The following USP40 variants were observed in gnomAD, a reference collection of about 807,000 sequenced individuals.
USP40 encodes the protein ubiquitin carboxyl-terminal hydrolase 40.
Under a neutral mutation model 166.2 loss-of-function variants are expected in USP40, and 143 were observed. The observed-to-expected ratio is 0.86, with a 90% confidence interval of 0.75 to 0.99. The LOEUF (loss-of-function observed/expected upper bound fraction) is 0.99. Ranked by LOEUF, USP40 falls within the 50% of genes least tolerant of loss-of-function variation. The probability of loss-of-function intolerance (pLI) is 0.00; values close to 1 mark genes in which losing one functional copy is unlikely to be tolerated. For synonymous variants in USP40, 498 were observed against 524.0 expected, an observed-to-expected ratio of 0.95 and a Z score of 0.68; for missense variants, 1,444 against 1,479.7, an observed-to-expected ratio of 0.98 and a Z score of 0.40.
Position 233,485,569 on chromosome 2 carries a change from G to C in USP40, c.3466C>G (p.Pro1156Ala), listed in dbSNP as rs1349281545. Residue 1156 changes from proline to alanine, a missense_variant, in exon 30 of 32, where the codon CCG becomes GCG. Transcript: ENST00000678225. ...KKKQDYLQGAPYYLKDGDTIG... is the reference protein window; with the variant it reads ...KKKQDYLQGAAYYLKDGDTIG... ...GTATCTCCGTCTTTCAAGTAATACG[G>C]TGCCCCTTGCAAATAATCTTGTTTT... The C allele has an allele frequency of 6.2e-7, 1 of 1,613,880 alleles. No individual in the cohort carries two copies. Among genetic ancestry groups the C allele is most frequent in the East Asian group, 2.2e-5 (1 of 44,886 alleles).
chr2:233,529,493 A>C lies in USP40; in HGVS notation c.1491T>G (p.Tyr497Ter). ...RPPEARANPR[Y>*]GVPCHLLNEM... Reference sequence around the variant, plus strand: ...CATTCAGTAAATGACATGGAACCCCATATCTTGGATTAGCTCGAGCTGTGA... The same window carrying C: ...CATTCAGTAAATGACATGGAACCCCCTATCTTGGATTAGCTCGAGCTGTGA... Residue 497 changes from tyrosine to a stop codon, truncating the protein, a stop_gained, in exon 12 of 32, where the codon TAT becomes TAG. Transcript: ENST00000678225. LOFTEE classifies it high-confidence loss of function. 2 of 1,584,920 alleles carry C rather than the reference A, an allele frequency of 1.3e-6. No individual in the cohort carries two copies. The highest frequency in any genetic ancestry group is 8.6e-7 in the Non-Finnish European group (1 of 1,163,846).
At chr2:233,530,279 C>G (rs929555733) in intron 11 of USP40, among the ~76,000 whole-genome samples, 4 of 151,458 alleles carry the variant, frequency 2.6e-5, no homozygotes, top group African/African-American at 9.7e-5. Flanking sequence ...TAATATTCAA[C>G]AAATCTATTT....
In USP40 at chr2:233,524,481, A is replaced by C; in HGVS notation, c.1881+11T>G. The C allele has an allele frequency of 6.3e-7, 1 of 1,591,574 alleles. No individual in the cohort carries two copies. The highest frequency in any genetic ancestry group is 8.6e-7 in the Non-Finnish European group (1 of 1,167,732). ...AATTATCACGAATATTTCTTCAGTA[A>C]TTTTTTTTACCTCCACCCCATTCCA... is the stretch of plus-strand genomic sequence containing the variant. On this transcript the variant is annotated intron_variant, in intron 15 of 31. Transcript: ENST00000678225.
intron 7 of USP40, among the ~76,000 whole-genome samples, chr2:233,549,820 G>C (rs778569134): frequency 2.6e-5 from 4 of 151,948 alleles, no homozygotes; most frequent in Admixed American, 6.6e-5. Context: ...GCAGTTTAGT[G>C]GAAGAGGTTC....
chr2:233,538,754 T>G (rs2069125236), intron 10 of USP40, among the ~76,000 whole-genome samples: 1 of 152,150 alleles, frequency 6.6e-6, no homozygotes, highest in East Asian at 1.9e-4. Context: ...TGGTGGCTCA[T>G]GCCTATAATC....
chr2:233,529,956 C>A (rs929162797), intron 11 of USP40, among the ~76,000 whole-genome samples: 1 of 151,644 alleles, frequency 6.6e-6, no homozygotes, highest in African/African-American at 2.4e-5. Flanking sequence ...CCTGCCACCA[C>A]GCCTGGCTAA....
chr2:233,556,663 G>C (rs1395167798), intron 5 of USP40, 192 bp downstream of exon 5: 1 of 402,182 alleles, frequency 2.5e-6, no homozygotes, highest in African/African-American at 2.1e-5. Context: ...CAAGATATTT[G>C]CTTCTTTCAA....
At chr2:233,566,546 C>T in intron 1 of USP40, 138 bp downstream of exon 1, 1 of 405,146 alleles carries the variant, frequency 2.5e-6, no homozygotes, top group Non-Finnish European at 3.3e-6. Flanking sequence ...GAAACCACTG[C>T]CCCGACTCCA....
rs1289101508 is a variant in USP40 at position 233,565,459 on chromosome 2, A to G, written c.96T>C (p.Pro32=). 6.5e-7 allele frequency: 1 copy of G among 1,537,192 alleles called. No homozygotes were observed. The highest frequency in any genetic ancestry group is 8.7e-7 in the Non-Finnish European group (1 of 1,146,864). ...KKLKTKALEP[P]APREFTNLSG... is the part of the protein sequence containing the mutation. ...TTAAATTGGTGAATTCTCTAGGAGC[A>G]GGTGGCTCCAAAGCTTTAGTCTTTA... Residue 32 remains proline (P), a synonymous_variant, in exon 2 of 32, where the codon CCT becomes CCC. Coordinates refer to ENST00000678225, the MANE Select transcript of USP40 (RefSeq NM_001365479.2).
rs140497052 is a variant in USP40 at position 233,556,170 on chromosome 2, C to T, written c.546+685G>A. Among the ~76,000 whole-genome samples, 967 of 151,538 alleles carry T rather than the reference C, an allele frequency of 6.4e-3. 4 individuals carry two copies. Among genetic ancestry groups the T allele is most frequent in the African/African-American group, 0.022 (914 of 41,338 alleles). On this transcript the variant is annotated intron_variant, in intron 5 of 31. Transcript: ENST00000678225. ...TGTCCTGATACAAATACACAAACTT[C>T]CTTGGCATAAATAACAAAAGCAGCC...
rs572807238 is a variant in USP40 at position 233,491,211 on chromosome 2, T to C, written c.2968A>G (p.Ile990Val). The part of the protein sequence containing the change: ...AQVSLLYLGD[I>V]EISEDATLAE... ...AGCGTGGCATCTTCTGAGATCTCTATGTCTCCCAAGTAGAGGAGAGAAACT... is the reference window on the plus strand; with the variant it reads ...AGCGTGGCATCTTCTGAGATCTCTACGTCTCCCAAGTAGAGGAGAGAAACT... The change falls in exon 26 of 32, where the codon ATA becomes GTA. Residue 990 changes from isoleucine to valine, a missense_variant. Ile to Val is a conservative substitution (Grantham distance 29, BLOSUM62 3). Transcript: ENST00000678225. 2.5e-6 allele frequency: 4 copies of C among 1,612,022 alleles called. No homozygotes were observed. The highest frequency in any genetic ancestry group is 1.1e-5 in the South Asian group (1 of 90,226).
Position 233,481,266 on chromosome 2 carries a change from C to A in USP40, c.3536G>T (p.Ser1179Ile), listed in dbSNP as rs755003510. ...TTTTCCAGTGTCATCTCTGATTGTA[C>A]TGAAATCATCATCGTCGTCAATCAG... The part of the protein sequence containing the change: ...NLLIDDDDDF[S>I]TIRDDTGKEK... Residue 1179 changes from serine (S) to isoleucine (I), a missense_variant, in exon 31 of 32, where the codon AGT becomes ATT. Ser to Ile is a moderately radical substitution (Grantham distance 142). Transcript: ENST00000678225. 6.2e-7 allele frequency: 1 copy of A among 1,606,914 alleles called. No homozygotes were observed. Among genetic ancestry groups the A allele is most frequent in the South Asian group, 1.1e-5 (1 of 89,246 alleles).
At chr2:233,525,383 T>C (rs1001114596) in intron 14 of USP40, 95 bp downstream of exon 14, 1 of 799,528 alleles carries the variant, frequency 1.3e-6, no homozygotes, top group Non-Finnish European at 2.1e-6. Flanking sequence ...AAGTAGTAGG[T>C]GGGGAAGGAC....
rs369492031 is a variant in USP40 at position 233,531,634 on chromosome 2, C to A, written c.1471+1845G>T. Among the ~76,000 whole-genome samples the A allele has an allele frequency of 1.6e-4, 25 of 152,184 alleles. No homozygotes were observed. The East Asian group carries it at 1.7e-3, about 11-fold the overall frequency. ...TTTTCCTCCCAGAAAAATACAAAGC[C>A]TTTTTCATTAACAGCATAGTTATGT... On this transcript the variant is annotated intron_variant, in intron 11 of 31. Coordinates refer to ENST00000678225, the MANE Select transcript of USP40 (RefSeq NM_001365479.2).
At chr2:233,490,976 G>C (rs2065296214) in intron 26 of USP40, 191 bp downstream of exon 26, 1 of 704,370 alleles carries the variant, frequency 1.4e-6, no homozygotes. Context: ...GGAGGGACCA[G>C]TGAGGCCACG....
intron 5 of USP40, among the ~76,000 whole-genome samples, chr2:233,555,714 C>T (rs1467130945): frequency 2.0e-5 from 3 of 149,638 alleles, no homozygotes; most frequent in Non-Finnish European, 4.4e-5. Flanking sequence ...CAGGTCACTG[C>T]AACCTCCACC....
intron 30 of USP40, among the ~76,000 whole-genome samples, chr2:233,482,725 G>A (rs562269053): frequency 1.3e-5 from 2 of 152,170 alleles, no homozygotes; most frequent in African/African-American, 4.8e-5. Context: ...CAAGAAGCTG[G>A]GTTTTGCCAT....
rs997930663 is a variant in USP40, at chr2:233,565,485, A to C, written c.70T>G (p.Leu24Val). 2 of 1,537,146 alleles carry C rather than the reference A, an allele frequency of 1.3e-6. No individual in the cohort carries two copies. Among genetic ancestry groups the C allele is most frequent in the Non-Finnish European group, 1.7e-6 (2 of 1,146,792 alleles). Residue 24 changes from leucine to valine, a missense_variant, in exon 2 of 32, where the codon TTA becomes GTA. Coordinates refer to ENST00000678225, the MANE Select transcript of USP40 (RefSeq NM_001365479.2). ...SNNQYGKGKK[L>V]KTKALEPPAP... ...GGTGGCTCCAAAGCTTTAGTCTTTA[A>C]TTTCTTCCCTTTTCCATACTGATTA...
At chr2:233,559,662 T>C (rs1559288011) in intron 4 of USP40, 149 bp downstream of exon 4, 1 of 512,222 alleles carries the variant, frequency 2.0e-6, no homozygotes, top group Non-Finnish European at 3.4e-6. Context: ...TATATATTTC[T>C]GGCTTGTAAT....
Sources: gnomAD v4.1 joint callset for allele counts (sites outside exome capture counted in the v4.1 genomes callset) on GRCh38, gnomAD v4.1.1 for gene constraint, MANE v1.5 for transcripts, NCBI Gene and HGNC (gene_info 2026-07-23, HGNC 2026-07-21) for gene names.